TLN2: variants seen among roughly 807,000 people sequenced by gnomAD.
The protein encoded by TLN2 is talin-2.
A neutral mutation model predicts 294.7 loss-of-function variants in TLN2; 118 were observed. The observed-to-expected ratio is 0.40, with a 90% confidence interval of 0.34 to 0.47. The LOEUF is 0.47. Ranked by LOEUF, TLN2 falls within the 20% of genes least tolerant of loss-of-function variation. The pLI is 0.84. For synonymous variants in TLN2, 1,431 were observed against 1,304.5 expected, an observed-to-expected ratio of 1.10 and a Z score of -2.09; for missense variants, 3,083 against 3,282.2, an observed-to-expected ratio of 0.94 and a Z score of 1.48.
intron 8 of TLN2, 53 bp downstream of exon 8, chr15:62,656,139 T>A: frequency 6.3e-7 from 1 of 1,599,462 alleles, no homozygotes; most frequent in Non-Finnish European, 8.6e-7. Flanking sequence ...AGGAAGCTCC[T>A]GGCTGTATCT....
At chr15:62,451,181 G>A (rs758195805) in intron 1 of TLN2, among the ~76,000 whole-genome samples, 1 of 152,130 alleles carries the variant, frequency 6.6e-6, no homozygotes, top group Non-Finnish European at 1.5e-5. Context: ...GTCCAGGAGG[G>A]ACCAGGGCAC....
chr15:62,763,223 CTTT>C (rs77149979), intron 39 of TLN2: 5 of 126,608 alleles, frequency 3.9e-5, no homozygotes, highest in Non-Finnish European at 6.8e-5. Flanking sequence ...TTTTTTTTTT[CTTT>C]TTTTTTTTTT....
At chr15:62,802,674 C>G (rs1174460584) in intron 50 of TLN2, among the ~76,000 whole-genome samples, 2 of 152,198 alleles carry the variant, frequency 1.3e-5, no homozygotes, top group Non-Finnish European at 2.9e-5. Context: ...AGTGTTTGTA[C>G]TAATTTACAT....
chr15:62,705,226 A>G (rs905772990), intron 19 of TLN2, among the ~76,000 whole-genome samples: 27 of 152,178 alleles, frequency 1.8e-4, no homozygotes, highest in South Asian at 4.1e-4. Context: ...AATGTTTTCA[A>G]TTGTTTAGCT....
intron 9 of TLN2, among the ~76,000 whole-genome samples, chr15:62,671,732 C>T (rs931053897): frequency 2.6e-5 from 4 of 152,078 alleles, no homozygotes; most frequent in African/African-American, 9.7e-5. Flanking sequence ...TTATTATGTC[C>T]TCCTTTTCAC....
chr15:62,557,682 C>T lies in TLN2; in HGVS notation c.-237-32005C>T, dbSNP rs1418458146. Among the ~76,000 whole-genome samples, 5 of 152,280 alleles carry T rather than the reference C, an allele frequency of 3.3e-5. No homozygotes were observed. The South Asian group carries it at 6.2e-4, about 19-fold the overall frequency. ...TCAGCCTCCCGAGTAGCTGGGATTA[C>T]AGGCACCCGCCACCACACCCGGCTA... On this transcript the variant is annotated intron_variant, in intron 1 of 58. Transcript: ENST00000636159.
chr15:62,589,042 A>G (rs1035248607), intron 1 of TLN2, among the ~76,000 whole-genome samples: 2 of 152,024 alleles, frequency 1.3e-5, no homozygotes, highest in East Asian at 3.9e-4. Context: ...GGACTGTTTC[A>G]TATGAATCCT....
intron 1 of TLN2, among the ~76,000 whole-genome samples, chr15:62,408,723 G>A (rs557539001): frequency 6.6e-6 from 1 of 152,188 alleles, no homozygotes; most frequent in East Asian, 1.9e-4. Flanking sequence ...CTGTGATTAA[G>A]GTTAAGTATT....
At chr15:62,632,630 GT>G (rs2050018285) in intron 3 of TLN2, among the ~76,000 whole-genome samples, 1 of 152,190 alleles carries the variant, frequency 6.6e-6, no homozygotes, top group Non-Finnish European at 1.5e-5. Flanking sequence ...ATTCCATCTT[GT>G]TTATTCCCTG....
intron 23 of TLN2, 122 bp from the exon 24 acceptor site, chr15:62,717,454 G>C: frequency 1.9e-6 from 1 of 535,910 alleles, no homozygotes; most frequent in Non-Finnish European, 3.1e-6. Flanking sequence ...AAAAGGCAAA[G>C]CCTGCTCTTT....
intron 52 of TLN2, among the ~76,000 whole-genome samples, chr15:62,815,392 C>T (rs138241285): frequency 2.6e-5 from 4 of 152,186 alleles, no homozygotes; most frequent in South Asian, 2.1e-4. Context: ...AAATTGATCC[C>T]GTTTTTAACA....
intron 3 of TLN2, among the ~76,000 whole-genome samples, chr15:62,623,135 C>T (rs2048977940): frequency 6.6e-6 from 1 of 152,222 alleles, no homozygotes. Context: ...TTAACTAAGT[C>T]CTGTGCTGGT....
chr15:62,649,053 G>A (rs1378938740), intron 4 of TLN2, among the ~76,000 whole-genome samples: 2 of 152,052 alleles, frequency 1.3e-5, no homozygotes, highest in African/African-American at 4.8e-5. Context: ...TTGCTATGTT[G>A]CCCAGGCTGG....
rs533484276 is a variant in TLN2 at position 62,833,648 on chromosome 15, C to G, written c.7128+19C>G. On this transcript the variant is annotated intron_variant, in intron 55 of 58. Coordinates refer to ENST00000636159, the MANE Select transcript of TLN2 (RefSeq NM_015059.3). Reference sequence around the variant, plus strand: ...AGGAAAGGTGGGTAAAGCCGCTGACCACATGCGGGACACTCAACGTACGAG... The same window carrying G: ...AGGAAAGGTGGGTAAAGCCGCTGACGACATGCGGGACACTCAACGTACGAG... 15 of 1,612,440 alleles carry G rather than the reference C, an allele frequency of 9.3e-6. No individual in the cohort carries two copies. The highest frequency in any genetic ancestry group is 1.7e-4 in the Middle Eastern group (1 of 5,892).
intron 1 of TLN2, among the ~76,000 whole-genome samples, chr15:62,464,009 C>T (rs138297448): frequency 1.1e-4 from 16 of 152,330 alleles, no homozygotes; most frequent in Non-Finnish European, 1.6e-4. Context: ...TTGTGGAAGA[C>T]AGTGTGGCAA....
At position 62,579,443 on chromosome 15, in the gene TLN2, G is replaced by A. The variant is rs533350507; in HGVS notation, c.-237-10244G>A. On this transcript the variant is annotated intron_variant, in intron 1 of 58. Transcript: ENST00000636159. ...TTATGTATACCTGAGTATCTAATTC[G>A]GTCTTGATTAGCAGAATCCTCTCAA... 1.2e-4 allele frequency among the ~76,000 whole-genome samples: 18 copies of A among 152,254 alleles called. No individual in the cohort carries two copies. In the South Asian group the frequency reaches 3.5e-3, roughly 30 times the overall value.
chr15:62,670,414 C>G (rs2055256344), intron 9 of TLN2, among the ~76,000 whole-genome samples: 2 of 152,188 alleles, frequency 1.3e-5, no homozygotes, highest in South Asian at 2.1e-4. Context: ...TCAGCTTCCT[C>G]TTTTGTGATG....
At chr15:62,620,463 C>T (rs1351440741) in intron 3 of TLN2, among the ~76,000 whole-genome samples, 2 of 151,754 alleles carry the variant, frequency 1.3e-5, no homozygotes, top group East Asian at 3.9e-4. Flanking sequence ...CTTTCTCTCT[C>T]TCTCCCTCCC....
At chr15:62,641,780 C>G (rs2051142703) in intron 3 of TLN2, among the ~76,000 whole-genome samples, 1 of 152,162 alleles carries the variant, frequency 6.6e-6, no homozygotes. Flanking sequence ...AGTTAAGTGA[C>G]CAGCTCAAGT....
Sources: gnomAD v4.1 joint callset for allele counts (sites outside exome capture counted in the v4.1 genomes callset) on GRCh38, gnomAD v4.1.1 for gene constraint, MANE v1.5 for transcripts, NCBI Gene and HGNC (gene_info 2026-07-23, HGNC 2026-07-21) for gene names.